The following AASS variants were observed in gnomAD, a reference collection of about 807,000 sequenced individuals.
AASS encodes the protein alpha-aminoadipic semialdehyde synthase, mitochondrial.
AASS carries 86 observed loss-of-function variants against 105.4 expected under a neutral mutation model. The observed-to-expected ratio is 0.82, with a 90% CI of 0.69 to 0.98. The LOEUF (loss-of-function observed/expected upper bound fraction) is 0.98, where lower values mean the gene tolerates loss of function less well. AASS is among the 50% of genes least tolerant of loss of function. The pLI is 0.00. For synonymous variants in AASS, 381 were observed against 394.8 expected, an observed-to-expected ratio of 0.96 and a Z score of 0.41; for missense variants, 1,048 against 1,143.2, an observed-to-expected ratio of 0.92 and a Z score of 1.20.
At chr7:122,090,835 C>T (rs1330629654) in intron 18 of AASS, among the ~76,000 whole-genome samples, 1 of 152,108 alleles carries the variant, frequency 6.6e-6, no homozygotes, top group Non-Finnish European at 1.5e-5. Context: ...CCTTATAAAA[C>T]TGTCATACCA....
intron 11 of AASS, among the ~76,000 whole-genome samples, chr7:122,109,910 G>A (rs1373257194): frequency 3.3e-5 from 5 of 151,892 alleles, no homozygotes; most frequent in African/African-American, 4.8e-5. Flanking sequence ...CAAACTATAC[G>A]TCTCACAAGG....
chr7:122,081,569 A>T lies in AASS; in HGVS notation c.2211T>A (p.Phe737Leu), dbSNP rs1466422787. The T allele has an allele frequency of 6.2e-7, 1 of 1,613,608 alleles. No individual in the cohort carries two copies. Residue 737 changes from phenylalanine to leucine, a missense_variant, in exon 20 of 24, where the codon TTT becomes TTA. Coordinates refer to ENST00000417368, the MANE Select transcript of AASS (RefSeq NM_005763.4). ...YKGYMKALNG[F>L]VKLGLINREA... Reference sequence around the variant, plus strand: ...CTCTGTTTATAAGACCTAATTTTACAAATCCATTCAAAGCTTTCATATATC... The same window carrying T: ...CTCTGTTTATAAGACCTAATTTTACTAATCCATTCAAAGCTTTCATATATC...
chr7:122,136,256 A>G (rs918718082), intron 1 of AASS, among the ~76,000 whole-genome samples: 8 of 152,188 alleles, frequency 5.3e-5, no homozygotes, highest in Non-Finnish European at 1.2e-4. Context: ...CTGGGGGCAA[A>G]CAACTACTTG....
chr7:122,122,321 A>T (rs1795476575), intron 4 of AASS, among the ~76,000 whole-genome samples: 1 of 152,178 alleles, frequency 6.6e-6, no homozygotes, highest in South Asian at 2.1e-4. Context: ...GACTGAGAAA[A>T]AAAAACAGAA....
chr7:122,124,762 C>T (rs1007817828), intron 4 of AASS, among the ~76,000 whole-genome samples: 1 of 151,974 alleles, frequency 6.6e-6, no homozygotes, highest in Admixed American at 6.6e-5. Flanking sequence ...TAAATAAAAC[C>T]CTCATCTGGA....
chr7:122,126,319 C>G, intron 4 of AASS, 56 bp downstream of exon 4: 1 of 1,487,072 alleles, frequency 6.7e-7, no homozygotes, highest in Non-Finnish European at 9.4e-7. Context: ...AGAAAACTCA[C>G]AGTTATTCCC....
In AASS at chr7:122,118,307, C is replaced by T; in HGVS notation, c.687G>A (p.Lys229=). 1 of 1,613,936 alleles carries T rather than the reference C, an allele frequency of 6.2e-7. No individual in the cohort carries two copies. The highest frequency in any genetic ancestry group is 1.7e-5 in the Admixed American group (1 of 60,022). ...FVFTGTGNVS[K]GAQAIFNELP... ...CAAAAGGAAGTCAGGTAAAAGTTACCTTAGAAACATTACCAGTTCCTGTGA... is the reference window on the plus strand; with the variant it reads ...CAAAAGGAAGTCAGGTAAAAGTTACTTTAGAAACATTACCAGTTCCTGTGA... The change falls in exon 6 of 24, where the codon AAG becomes AAA. Residue 229 remains lysine (K), a splice_region_variant and synonymous_variant. Transcript: ENST00000417368.
intron 11 of AASS, among the ~76,000 whole-genome samples, chr7:122,110,517 A>G (rs1356575063): frequency 1.3e-5 from 2 of 151,954 alleles, no homozygotes; most frequent in African/African-American, 4.8e-5. Context: ...CAAAAATGCT[A>G]CCAACCCAAA....
intron 4 of AASS, among the ~76,000 whole-genome samples, chr7:122,125,050 G>A (rs1356386286): frequency 3.9e-5 from 6 of 152,028 alleles, no homozygotes; most frequent in Non-Finnish European, 8.8e-5. Context: ...AACCTTCTGA[G>A]TAGCTGGGAT....
intron 14 of AASS, 41 bp from the exon 15 acceptor site, chr7:122,098,617 A>G: frequency 6.3e-7 from 1 of 1,591,390 alleles, no homozygotes; most frequent in Non-Finnish European, 8.6e-7. Flanking sequence ...GATATGTCAG[A>G]GTAAAATATA....
At chr7:122,111,986 A>G (rs1794962899) in intron 11 of AASS, among the ~76,000 whole-genome samples, 1 of 152,196 alleles carries the variant, frequency 6.6e-6, no homozygotes, top group Admixed American at 6.5e-5. Flanking sequence ...AGGCTCAGAA[A>G]GGAAGTGAGT....
At chr7:122,079,159 C>T (rs1793185224) in intron 21 of AASS, 1 of 1,453,036 alleles carries the variant, frequency 6.9e-7, no homozygotes, top group Non-Finnish European at 9.0e-7. Context: ...CCAGGCACTG[C>T]TCCCTGGAGC....
chr7:122,100,171 A>AT (rs1794358980), intron 13 of AASS, among the ~76,000 whole-genome samples: 1 of 151,882 alleles, frequency 6.6e-6, no homozygotes, highest in African/African-American at 2.4e-5. Context: ...TTCCATCAGG[A>AT]AAGAGGGCAG....
At chr7:122,138,643 G>A (rs1277341677) in intron 1 of AASS, among the ~76,000 whole-genome samples, 2 of 152,104 alleles carry the variant, frequency 1.3e-5, no homozygotes, top group African/African-American at 4.8e-5. Context: ...AGTAGCAATA[G>A]GAGAACATAC....
chr7:122,094,475 T>C (rs1428106733), intron 15 of AASS, among the ~76,000 whole-genome samples: 1 of 151,676 alleles, frequency 6.6e-6, no homozygotes, highest in Non-Finnish European at 1.5e-5. Flanking sequence ...TACAATGATG[T>C]AGTATGATAT....
At chr7:122,123,202 T>C (rs993054240) in intron 4 of AASS, among the ~76,000 whole-genome samples, 12 of 152,206 alleles carry the variant, frequency 7.9e-5, no homozygotes, top group Non-Finnish European at 1.6e-4. Context: ...CATTTCTGCA[T>C]AGCTCCTCAC....
At position 122,091,814 on chromosome 7, in the gene AASS, C is replaced by A. The variant is rs201378231; in HGVS notation, c.1905G>T (p.Gly635=). ...TIESYISYCG[G]LPAPEHSNNP... ...TGTTTGAATGTTCAGGGGCTGGAAG[C>A]CCACCACAGTAGGAAATATATGATT... The change falls in exon 18 of 24, where the codon GGG becomes GGT. Residue 635 remains glycine, a synonymous_variant. Coordinates refer to ENST00000417368, the MANE Select transcript of AASS (RefSeq NM_005763.4). 3.1e-6 allele frequency: 5 copies of A among 1,612,198 alleles called. No homozygotes were observed. The highest frequency in any genetic ancestry group is 4.5e-5 in the East Asian group (2 of 44,802).
intron 6 of AASS, 42 bp from the exon 7 acceptor site, chr7:122,116,999 A>G (rs1208319708): frequency 1.9e-6 from 3 of 1,546,042 alleles, no homozygotes; most frequent in Non-Finnish European, 2.7e-6. Flanking sequence ...ATCAATAGAA[A>G]AAGAACCAAC....
At chr7:122,078,217 G>C (rs1232518822) in intron 22 of AASS, among the ~76,000 whole-genome samples, 7 of 151,982 alleles carry the variant, frequency 4.6e-5, no homozygotes, top group Non-Finnish European at 1.0e-4. Context: ...CCTTTATCCG[G>C]ATTCATGTCA....
Sources: allele counts gnomAD v4.1 joint callset (sites outside exome capture counted in the v4.1 genomes callset), GRCh38; gene constraint gnomAD v4.1.1; transcripts MANE v1.5; gene names NCBI Gene and HGNC (gene_info 2026-07-23, HGNC 2026-07-21).